Variants in EDIL3 observed in about 807,000 individuals in gnomAD.
EDIL3 encodes EGF-like repeat and discoidin I-like domain-containing protein 3.
EDIL3 carries 37 observed loss-of-function variants against 67.4 expected under a neutral mutation model. That is an observed-to-expected ratio of 0.55 (90% CI 0.42 to 0.72). The LOEUF is 0.72. Among genes scored for constraint, EDIL3 ranks in the 30% least tolerant of loss-of-function variants. The probability of loss-of-function intolerance (pLI) is 0.00; values close to 1 mark genes in which losing one functional copy is unlikely to be tolerated. For synonymous variants in EDIL3, 195 were observed against 196.3 expected, an observed-to-expected ratio of 0.99 and a Z score of 0.05; for missense variants, 527 against 586.3, an observed-to-expected ratio of 0.90 and a Z score of 1.04.
intron 8 of EDIL3, among the ~76,000 whole-genome samples, chr5:84,060,759 C>T (rs1019729942): frequency 6.6e-6 from 1 of 152,152 alleles, no homozygotes; most frequent in Admixed American, 6.5e-5. Flanking sequence ...ATAGATGATT[C>T]TGCAAAATGA....
rs571528384 is a variant in EDIL3 at position 84,139,993 on chromosome 5, C to G, written c.356-2639G>C. Among the ~76,000 whole-genome samples the G allele has an allele frequency of 2.4e-4, 36 of 152,192 alleles. No individual in the cohort carries two copies. In the South Asian group the frequency reaches 5.0e-3, roughly 21 times the overall value. On this transcript the variant is annotated intron_variant, in intron 4 of 10. Coordinates refer to ENST00000296591, the MANE Select transcript of EDIL3 (RefSeq NM_005711.5). ...CATGTCAGAGAATGTAGATAGGGAACAGATTATGATGAACCCTTAGTGCAG... is the reference window on the plus strand; with the variant it reads ...CATGTCAGAGAATGTAGATAGGGAAGAGATTATGATGAACCCTTAGTGCAG...
chr5:84,161,028 T>C (rs1272804584), intron 4 of EDIL3, among the ~76,000 whole-genome samples: 1 of 151,966 alleles, frequency 6.6e-6, no homozygotes, highest in Non-Finnish European at 1.5e-5. Flanking sequence ...TGGTTCATTA[T>C]ATCATTCTTA....
intron 1 of EDIL3, among the ~76,000 whole-genome samples, chr5:84,291,790 T>C (rs1262186905): frequency 6.8e-6 from 1 of 146,920 alleles, no homozygotes; most frequent in Admixed American, 6.8e-5. Context: ...TACAGATATA[T>C]ACACACACAT....
At chr5:84,057,438 T>C (rs557659515) in intron 9 of EDIL3, among the ~76,000 whole-genome samples, 2 of 152,186 alleles carry the variant, frequency 1.3e-5, no homozygotes, top group African/African-American at 4.8e-5. Context: ...GCATTATGAC[T>C]CACAAATAAC....
In EDIL3 at chr5:84,106,700, C is replaced by A; in HGVS notation, c.600G>T (p.Gly200=). 2 of 1,612,412 alleles carry A rather than the reference C, an allele frequency of 1.2e-6. No homozygotes were observed. The highest frequency in any genetic ancestry group is 1.7e-6 in the Non-Finnish European group (2 of 1,179,198). Residue 200 remains glycine, a synonymous_variant, in exon 6 of 11, where the codon GGG becomes GGT. Coordinates refer to ENST00000296591, the MANE Select transcript of EDIL3 (RefSeq NM_005711.5). Reference sequence around the variant, plus strand: ...CTGCAGCTGTCCACGCATTTATAAGCCCCTTCTTATTAAGACGTGCATAGT... The same window carrying A: ...CTGCAGCTGTCCACGCATTTATAAGACCCTTCTTATTAAGACGTGCATAGT... ...YPYYARLNKK[G]LINAWTAAEN... is the part of the protein sequence containing the mutation.
chr5:84,231,884 GA>G (rs936802624), intron 2 of EDIL3, among the ~76,000 whole-genome samples: 1 of 151,670 alleles, frequency 6.6e-6, no homozygotes, highest in Non-Finnish European at 1.5e-5. Context: ...AGATTCAAAA[GA>G]AAAAAAATCC....
chr5:84,291,086 G>T (rs1745903953), intron 1 of EDIL3, among the ~76,000 whole-genome samples: 1 of 152,098 alleles, frequency 6.6e-6, no homozygotes, highest in African/African-American at 2.4e-5. Context: ...AAAATGCAAG[G>T]TAGTGCCTGC....
chr5:84,279,519 C>T (rs1248959279), intron 1 of EDIL3, among the ~76,000 whole-genome samples: 1 of 152,152 alleles, frequency 6.6e-6, no homozygotes, highest in African/African-American at 2.4e-5. Flanking sequence ...ACAGATTATG[C>T]TATGATGTAC....
At chr5:84,268,395 GATT>G (rs756634011) in intron 1 of EDIL3, among the ~76,000 whole-genome samples, 1 of 152,170 alleles carries the variant, frequency 6.6e-6, no homozygotes, top group South Asian at 2.1e-4. Context: ...AGAAAAATAA[GATT>G]ATAACCATTT....
chr5:84,106,201 C>A (rs918910278), intron 6 of EDIL3, among the ~76,000 whole-genome samples: 1 of 152,064 alleles, frequency 6.6e-6, no homozygotes, highest in African/African-American at 2.4e-5. Flanking sequence ...GAAACACCCT[C>A]AGCTTGAAAG....
chr5:84,340,616 C>T (rs920038097), intron 1 of EDIL3, among the ~76,000 whole-genome samples: 1 of 145,668 alleles, frequency 6.9e-6, no homozygotes, highest in Non-Finnish European at 1.5e-5. Context: ...AAAAATTGAA[C>T]TCTCTATTAC....
intron 5 of EDIL3, among the ~76,000 whole-genome samples, chr5:84,132,296 TTA>T (rs1361208267): frequency 1.6e-4 from 15 of 96,048 alleles, no homozygotes; most frequent in Admixed American, 1.2e-3. Context: ...AGTATATATT[TTA>T]TATATAATAT....
At chr5:84,089,620 C>T (rs978957465) in intron 6 of EDIL3, among the ~76,000 whole-genome samples, 1 of 152,196 alleles carries the variant, frequency 6.6e-6, no homozygotes. Flanking sequence ...GGACCACTTA[C>T]ATGTCATCTT....
intron 9 of EDIL3, among the ~76,000 whole-genome samples, chr5:84,013,201 G>T (rs1043968576): frequency 1.3e-5 from 2 of 151,778 alleles, no homozygotes; most frequent in Non-Finnish European, 2.9e-5. Flanking sequence ...ATATATATAT[G>T]ATATAACGTA....
chr5:84,227,264 T>C (rs1182938092), intron 3 of EDIL3, among the ~76,000 whole-genome samples: 2 of 151,820 alleles, frequency 1.3e-5, no homozygotes, highest in Non-Finnish European at 2.9e-5. Context: ...CAGTAAAAAT[T>C]GGGCAAAGGA....
chr5:84,246,380 T>A (rs1403427678), intron 2 of EDIL3, among the ~76,000 whole-genome samples: 2 of 152,234 alleles, frequency 1.3e-5, no homozygotes, highest in African/African-American at 4.8e-5. Flanking sequence ...CAGCGCCAGC[T>A]GACTGCAGAC....
chr5:84,357,395 T>A (rs765248055), intron 1 of EDIL3, among the ~76,000 whole-genome samples: 3 of 152,180 alleles, frequency 2.0e-5, no homozygotes, highest in Admixed American at 6.5e-5. Context: ...ACTATGAATA[T>A]ATGGACCTGC....
intron 1 of EDIL3, among the ~76,000 whole-genome samples, chr5:84,277,722 A>G (rs1745609635): frequency 6.6e-6 from 1 of 152,210 alleles, no homozygotes; most frequent in Non-Finnish European, 1.5e-5. Flanking sequence ...TTTTAAATTT[A>G]TATCATTTAC....
intron 4 of EDIL3, among the ~76,000 whole-genome samples, chr5:84,162,916 T>A (rs1371578196): frequency 6.6e-6 from 1 of 152,106 alleles, no homozygotes; most frequent in African/African-American, 2.4e-5. Flanking sequence ...TATGACATCA[T>A]CATAATAAAA....
Sources: allele counts gnomAD v4.1 joint callset (sites outside exome capture counted in the v4.1 genomes callset), GRCh38; gene constraint gnomAD v4.1.1; transcripts MANE v1.5; gene names NCBI Gene and HGNC (gene_info 2026-07-23, HGNC 2026-07-21).